RPS6KC1: variants seen among roughly 807,000 people sequenced by gnomAD.
RPS6KC1 encodes ribosomal protein S6 kinase C1, also known as inactive ribosomal protein S6 kinase delta-1.
RPS6KC1 carries 54 observed loss-of-function variants against 103.8 expected under a neutral mutation model. That is an observed-to-expected ratio of 0.52 (90% CI 0.42 to 0.65). The LOEUF (loss-of-function observed/expected upper bound fraction) is 0.65. Ranked by LOEUF, RPS6KC1 falls within the 30% of genes least tolerant of loss-of-function variation. The pLI is 0.00. For synonymous variants in RPS6KC1, 439 were observed against 438.7 expected (o/e 1.00, Z -0.01); for missense variants, 1,151 against 1,253.8 (o/e 0.92, Z 1.24).
the RPS6KC1 span, chr1:213,841,443 T>C: frequency 6.6e-6 from 1 of 152,210 alleles, no homozygotes; most frequent in African/African-American, 2.4e-5. Context: ...GTCTTAAGGA[T>C]GATCACCATG....
intron 2 of RPS6KC1, among the ~76,000 whole-genome samples, chr1:213,077,363 T>C (rs1038949234): frequency 4.6e-5 from 7 of 152,212 alleles, no homozygotes; most frequent in Non-Finnish European, 8.8e-5. Context: ...TTCTCCATAC[T>C]GGGTTGAATA....
chr1:213,064,066 A>G (rs1038864923), intron 1 of RPS6KC1, among the ~76,000 whole-genome samples: 1 of 151,742 alleles, frequency 6.6e-6, no homozygotes, highest in Non-Finnish European at 1.5e-5. Flanking sequence ...ATTTTTATTT[A>G]TTTTTTTTGA....
intron 1 of RPS6KC1, among the ~76,000 whole-genome samples, chr1:213,055,019 T>C (rs992581226): frequency 6.6e-6 from 1 of 152,214 alleles, no homozygotes; most frequent in Non-Finnish European, 1.5e-5. Context: ...TTTCCATGAG[T>C]ATAAAAGGTA....
At position 213,118,554 on chromosome 1, in the gene RPS6KC1, A is replaced by G. The variant is rs140705631; in HGVS notation, c.472+1144A>G. ...GTATGTACTCCTGTCATACAGCAGC[A>G]GCCACACTAACATAAATCTCTTGCA... On this transcript the variant is annotated intron_variant, in intron 5 of 14. Coordinates refer to ENST00000366960, the MANE Select transcript of RPS6KC1 (RefSeq NM_012424.6). 2.9e-3 allele frequency among the ~76,000 whole-genome samples: 443 copies of G among 152,278 alleles called. 3 individuals carry two copies. The highest frequency in any genetic ancestry group is 0.01 in the African/African-American group (418 of 41,568).
chr1:213,334,397 A>G, the RPS6KC1 span, among the ~76,000 whole-genome samples: 1 of 152,162 alleles, frequency 6.6e-6, no homozygotes, highest in Non-Finnish European at 1.5e-5. Flanking sequence ...CAACACTAGG[A>G]CCTCCAGCAG....
chr1:213,098,079 C>A (rs1572508395), intron 3 of RPS6KC1, among the ~76,000 whole-genome samples: 4 of 152,266 alleles, frequency 2.6e-5, no homozygotes, highest in Admixed American at 2.6e-4. Flanking sequence ...CACGACTTGG[C>A]TAACTGGTGC....
downstream of RPS6KC1, among the ~76,000 whole-genome samples, chr1:213,278,290 A>T (rs2095116088): frequency 6.6e-6 from 1 of 152,126 alleles, no homozygotes; most frequent in South Asian, 2.1e-4. Context: ...CAAGAGACAG[A>T]TGTCAAAGGG....
chr1:213,745,570 G>T, the RPS6KC1 span, among the ~76,000 whole-genome samples: 1 of 152,248 alleles, frequency 6.6e-6, no homozygotes, highest in African/African-American at 2.4e-5. Context: ...ATTGATTGGG[G>T]TTGTATTACT....
In RPS6KC1 at chr1:213,167,750, C is replaced by CT. The variant is rs1558463174; in HGVS notation, c.836-102dup. The CT allele has an allele frequency of 2.2e-5, 12 of 538,476 alleles. No homozygotes were observed. The South Asian group carries it at 4.0e-4, about 18-fold the overall frequency. 33.4% of individuals were successfully genotyped at this position (538,476 alleles called of 1,614,324 possible). A position where few individuals can be genotyped will look rare whatever the true frequency, so the allele number is the denominator to read the frequency against. Reference sequence around the variant, plus strand: ...TCTTTTCCAATTTTGAATATCTCTTCTTTTTTGTTAGAAATGTGAACAAGC... The same window carrying CT: ...TCTTTTCCAATTTTGAATATCTCTTCTTTTTTTGTTAGAAATGTGAACAAGC... On this transcript the variant is annotated intron_variant, in intron 6 of 14. Transcript: ENST00000366960.
the RPS6KC1 span, among the ~76,000 whole-genome samples, chr1:213,376,865 G>C: frequency 6.6e-6 from 1 of 152,248 alleles, no homozygotes; most frequent in African/African-American, 2.4e-5. Context: ...GAAGCTGGAG[G>C]AAGTAGTGCG....
the RPS6KC1 span, among the ~76,000 whole-genome samples, chr1:213,771,486 A>T: frequency 6.6e-6 from 1 of 152,212 alleles, no homozygotes; most frequent in Non-Finnish European, 1.5e-5. Flanking sequence ...TAATGATACT[A>T]GTAATTCAGG....
intron 10 of RPS6KC1, among the ~76,000 whole-genome samples, chr1:213,236,529 A>G (rs1383612854): frequency 6.6e-6 from 1 of 152,166 alleles, no homozygotes; most frequent in African/African-American, 2.4e-5. Flanking sequence ...AGAGGTTTAA[A>G]ATATTTACTA....
the RPS6KC1 span, among the ~76,000 whole-genome samples, chr1:213,401,788 A>C: frequency 6.6e-6 from 1 of 151,310 alleles, no homozygotes; most frequent in East Asian, 1.9e-4. Context: ...TACTTACTTT[A>C]TTTATTTATT....
the RPS6KC1 span, among the ~76,000 whole-genome samples, chr1:213,620,874 T>C: frequency 6.6e-6 from 1 of 152,110 alleles, no homozygotes; most frequent in African/African-American, 2.4e-5. Flanking sequence ...TACTAAAGAA[T>C]TAGAGTATAT....
chr1:213,755,680 A>T, the RPS6KC1 span, among the ~76,000 whole-genome samples: 1 of 152,162 alleles, frequency 6.6e-6, no homozygotes, highest in Non-Finnish European at 1.5e-5. Context: ...TATATATGGA[A>T]ACTTCCACCC....
At chr1:213,729,453 C>A in the RPS6KC1 span, among the ~76,000 whole-genome samples, 2 of 152,284 alleles carry the variant, frequency 1.3e-5, no homozygotes, top group East Asian at 3.9e-4. Context: ...CCAAATGCAG[C>A]ATCATTTATT....
At chr1:213,134,656 A>G (rs2086056144) in intron 6 of RPS6KC1, among the ~76,000 whole-genome samples, 1 of 152,122 alleles carries the variant, frequency 6.6e-6, no homozygotes, top group Non-Finnish European at 1.5e-5. Flanking sequence ...TGGAGCTTGG[A>G]CCATTGATTT....
At chr1:213,754,858 A>C in the RPS6KC1 span, among the ~76,000 whole-genome samples, 1 of 152,230 alleles carries the variant, frequency 6.6e-6, no homozygotes. Context: ...TTCAATCCAT[A>C]ACAGTAGCTT....
chr1:213,715,518 A>C, the RPS6KC1 span, among the ~76,000 whole-genome samples: 40,881 of 152,188 alleles, frequency 0.27, 6,196 homozygotes, highest in African/African-American at 0.4. Flanking sequence ...TCTTCCAAGT[A>C]AGTGAGAAGC....
Sources: allele counts gnomAD v4.1 joint callset (sites outside exome capture counted in the v4.1 genomes callset), GRCh38; gene constraint gnomAD v4.1.1; transcripts MANE v1.5; gene names NCBI Gene and HGNC (gene_info 2026-07-23, HGNC 2026-07-21).